GRAMD1B: variants seen among roughly 807,000 people sequenced by gnomAD.
GRAMD1B encodes the protein protein Aster-B.
In GRAMD1B, 37 loss-of-function variants were observed where a neutral mutation model predicts 99.7. The observed-to-expected ratio is 0.37, with a 90% CI of 0.29 to 0.49. GRAMD1B has a LOEUF of 0.49. Ranked by LOEUF, GRAMD1B falls within the 20% of genes least tolerant of loss-of-function variation. The pLI is 0.98. For missense variants in GRAMD1B, 888 were observed against 1,009.2 expected (o/e 0.88, Z 1.63); for synonymous variants, 427 against 387.6 (o/e 1.10, Z -1.19).
intron 1 of GRAMD1B, among the ~76,000 whole-genome samples, chr11:123,410,659 A>G (rs1269297765): frequency 6.6e-6 from 1 of 152,118 alleles, no homozygotes; most frequent in African/African-American, 2.4e-5. Flanking sequence ...GAGAGCTGGA[A>G]GAGCACATGC....
intron 2 of GRAMD1B, among the ~76,000 whole-genome samples, chr11:123,554,540 A>G (rs1320949806): frequency 3.4e-5 from 5 of 146,770 alleles, no homozygotes; most frequent in Non-Finnish European, 6.1e-5. Flanking sequence ...AAAAAAAAAA[A>G]AAAAAGAAAG....
intron 2 of GRAMD1B, among the ~76,000 whole-genome samples, chr11:123,514,414 G>C (rs369052932): frequency 6.6e-6 from 1 of 152,142 alleles, no homozygotes; most frequent in Non-Finnish European, 1.5e-5. Flanking sequence ...CAGTTTCCTC[G>C]TTTGTCCATG....
intron 18 of GRAMD1B, 59 bp from the exon 19 acceptor site, chr11:123,619,048 C>T (rs1175472655): frequency 6.3e-6 from 6 of 949,870 alleles, no homozygotes; most frequent in Non-Finnish European, 9.8e-6. Context: ...TCTGGGAGCC[C>T]AGGACAGTTC....
intron 8 of GRAMD1B, among the ~76,000 whole-genome samples, chr11:123,601,513 TTA>T (rs912865901): frequency 3.9e-5 from 4 of 102,272 alleles, no homozygotes; most frequent in East Asian, 2.8e-4. Context: ...GGATTAATTT[TTA>T]TGTGTGTGTG....
chr11:123,504,322 G>A (rs1399056910), intron 2 of GRAMD1B, among the ~76,000 whole-genome samples: 1 of 152,230 alleles, frequency 6.6e-6, no homozygotes, highest in African/African-American at 2.4e-5. Context: ...CTTGTATTCA[G>A]AGAGTCCTTT....
chr11:123,392,132 A>C (rs527274671), intron 1 of GRAMD1B, among the ~76,000 whole-genome samples: 236 of 152,078 alleles, frequency 1.6e-3, no homozygotes, highest in Non-Finnish European at 2.9e-3. Context: ...CGGAGTTAGG[A>C]AGGAGTGTGG....
intron 2 of GRAMD1B, among the ~76,000 whole-genome samples, chr11:123,530,920 G>C (rs954467745): frequency 6.6e-6 from 1 of 152,118 alleles, no homozygotes; most frequent in Non-Finnish European, 1.5e-5. Context: ...TTTGCCTTGG[G>C]TGGTGGTGGT....
chr11:123,427,936 C>T (rs1023394176), upstream of GRAMD1B, among the ~76,000 whole-genome samples: 1 of 152,206 alleles, frequency 6.6e-6, no homozygotes, highest in African/African-American at 2.4e-5. Context: ...GAAGAGGGTG[C>T]TGGTGGCTTT....
At position 123,614,759 on chromosome 11, in the gene GRAMD1B, C is replaced by T. The variant is rs769465102; in HGVS notation, c.2242C>T (p.Arg748Trp). 2.0e-5 allele frequency: 32 copies of T among 1,609,640 alleles called. No homozygotes were observed. Among genetic ancestry groups the T allele is most frequent in the African/African-American group, 2.7e-5 (2 of 74,830 alleles). Residue 748 changes from arginine to tryptophan, a missense_variant, in exon 17 of 20, where the codon CGG becomes TGG. Coordinates refer to ENST00000635736, the MANE Select transcript of GRAMD1B (RefSeq NM_001387025.1). ...IKHVAGSTQT[R>W]HIPEDTPNGF... The stretch of plus-strand genomic sequence containing the variant: ...TCTCCCCACAGGTTCCACACAGACG[C>T]GGCATATCCCGGAGGACACCCCCAA...
At chr11:123,430,106 T>C (rs1948795628), upstream of GRAMD1B, among the ~76,000 whole-genome samples, 1 of 152,044 alleles carries the variant, frequency 6.6e-6, no homozygotes. Context: ...TGGAGCAGCC[T>C]TTACTTGGAG....
At chr11:123,540,334 G>A (rs1006369309) in intron 2 of GRAMD1B, among the ~76,000 whole-genome samples, 4 of 152,036 alleles carry the variant, frequency 2.6e-5, no homozygotes, top group African/African-American at 9.7e-5. Context: ...CTCACCTTGG[G>A]CTCCCAAACA....
At chr11:123,590,785 G>A (rs890978010) in intron 4 of GRAMD1B, among the ~76,000 whole-genome samples, 1 of 152,202 alleles carries the variant, frequency 6.6e-6, no homozygotes, top group Admixed American at 6.5e-5. Context: ...CCCGCCCAGG[G>A]TAGAGGTTGA....
Position 123,430,604 on chromosome 11 carries a change from C to G in GRAMD1B, c.-189C>G, listed in dbSNP as rs1450499816. ...GACGCGCGCTCCGAAAAGTTAGACT[C>G]CGGGCGGCGGCGCGCTACGCCGCGT... On this transcript the variant is annotated 5_prime_UTR_variant, in exon 1 of 20. Coordinates refer to ENST00000635736, the MANE Select transcript of GRAMD1B (RefSeq NM_001387025.1). 2.1e-6 allele frequency: 1 copy of G among 473,362 alleles called. No homozygotes were observed. Among genetic ancestry groups the G allele is most frequent in the South Asian group, 3.8e-5 (1 of 26,430 alleles). 29.3% of individuals were successfully genotyped at this position (473,362 alleles called of 1,614,324 possible).
intron 2 of GRAMD1B, among the ~76,000 whole-genome samples, chr11:123,556,664 A>G (rs1233222939): frequency 6.6e-6 from 1 of 152,210 alleles, no homozygotes; most frequent in Non-Finnish European, 1.5e-5. Context: ...AGAGAAAGGT[A>G]CCCACTTTTA....
rs1416019904 is a variant in GRAMD1B, at chr11:123,370,339, T to C, written c.-176+11540T>C. On this transcript the variant is annotated intron_variant, in intron 1 of 20. Coordinates refer to the GRAMD1B transcript ENST00000638157. The stretch of plus-strand genomic sequence containing the variant: ...TAAAAAAAAAAAAGAAGTTATCTCT[T>C]TTTTTTTTTTTTTTTTTTTGAGACA... 1.3e-4 allele frequency among the ~76,000 whole-genome samples: 13 copies of C among 103,556 alleles called. No homozygotes were observed. The East Asian group carries it at 1.9e-3, about 15-fold the overall frequency. The allele number at this position is 103,556 out of a possible 152,430, so 67.9% of individuals were successfully genotyped here.
At chr11:123,468,997 T>C (rs530314149) in intron 1 of GRAMD1B, among the ~76,000 whole-genome samples, 1 of 152,084 alleles carries the variant, frequency 6.6e-6, no homozygotes, top group Admixed American at 6.6e-5. Flanking sequence ...CCCCATTTTA[T>C]AGAGGTTGGA....
At chr11:123,400,896 T>G (rs78597932) in intron 1 of GRAMD1B, among the ~76,000 whole-genome samples, 4,514 of 152,288 alleles carry the variant, frequency 0.03, 74 homozygotes, top group Middle Eastern at 0.071. Flanking sequence ...ACCCTCATTT[T>G]ATAGATGAAA....
chr11:123,566,884 G>A (rs554485277), intron 2 of GRAMD1B, among the ~76,000 whole-genome samples: 9 of 152,286 alleles, frequency 5.9e-5, no homozygotes, highest in South Asian at 2.1e-4. Context: ...ACACATAGAC[G>A]TGGCCCCAGC....
At chr11:123,385,871 G>A (rs192558944) in intron 1 of GRAMD1B, among the ~76,000 whole-genome samples, 1 of 152,296 alleles carries the variant, frequency 6.6e-6, no homozygotes, top group African/African-American at 2.4e-5. Context: ...GTCTGTGTGT[G>A]TGTGTAATGA....
Sources: gnomAD v4.1 joint callset for allele counts (sites outside exome capture counted in the v4.1 genomes callset) on GRCh38, gnomAD v4.1.1 for gene constraint, MANE v1.5 for transcripts, NCBI Gene and HGNC (gene_info 2026-07-23, HGNC 2026-07-21) for gene names.